HECW1: variants seen among roughly 807,000 people sequenced by gnomAD.
HECW1 encodes the protein HECT, C2 and WW domain containing E3 ubiquitin protein ligase 1, also known as E3 ubiquitin-protein ligase HECW1.
In HECW1, 61 loss-of-function variants were observed where a neutral mutation model predicts 182.3. The observed-to-expected ratio is 0.33, with a 90% CI of 0.27 to 0.41. The LOEUF is 0.41. Ranked by LOEUF, HECW1 falls within the 10% of genes least tolerant of loss-of-function variation. HECW1 has a pLI of 1.00. For missense variants in HECW1, 1,739 were observed against 2,108.9 expected (o/e 0.82, Z 3.44); for synonymous variants, 859 against 832.6 (o/e 1.03, Z -0.55).
At chr7:43,147,817 T>C (rs939167152) in intron 2 of HECW1, among the ~76,000 whole-genome samples, 1 of 152,200 alleles carries the variant, frequency 6.6e-6, no homozygotes, top group African/African-American at 2.4e-5. Flanking sequence ...TTTGGGTTAA[T>C]TGCACCGTCT....
chr7:43,191,841 G>A (rs1562654150), intron 2 of HECW1, among the ~76,000 whole-genome samples: 1 of 152,196 alleles, frequency 6.6e-6, no homozygotes, highest in Non-Finnish European at 1.5e-5. Context: ...AGTAGAATAG[G>A]AGGACTGATG....
Position 43,541,817 on chromosome 7 carries a change from G to A in HECW1, c.4119-52G>A, listed in dbSNP as rs1050380851. 11 of 1,391,634 alleles carry A rather than the reference G, an allele frequency of 7.9e-6. 1 individual carries two copies. In the South Asian group the frequency reaches 1.9e-4, roughly 24 times the overall value. 86.2% of individuals were successfully genotyped at this position (1,391,634 alleles called of 1,614,324 possible). ...TGATATAACCACATTTTGAAGTGAG[G>A]TCTGGGCAGCCATTTGTTTGGTAAT... is the stretch of plus-strand genomic sequence containing the variant. On this transcript the variant is annotated intron_variant, in intron 25 of 29. Coordinates refer to ENST00000395891, the MANE Select transcript of HECW1 (RefSeq NM_015052.5).
At position 43,455,920 on chromosome 7, in the gene HECW1, G is replaced by A. The variant is rs145849190; in HGVS notation, c.2501-377G>A. ...GAAGGCTGAGTCAGGAGAATTGCTC[G>A]AACCCAGGAGGTGGAGGTTGCAGTG... On this transcript the variant is annotated intron_variant, in intron 12 of 29. Coordinates refer to ENST00000395891, the MANE Select transcript of HECW1 (RefSeq NM_015052.5). 9.9e-3 allele frequency among the ~76,000 whole-genome samples: 1,513 copies of A among 152,136 alleles called. 16 individuals are homozygous for A. The highest frequency in any genetic ancestry group is 0.015 in the Non-Finnish European group (993 of 67,988).
chr7:43,146,249 TG>T (rs1272056700), intron 2 of HECW1, among the ~76,000 whole-genome samples: 1 of 152,206 alleles, frequency 6.6e-6, no homozygotes, highest in Non-Finnish European at 1.5e-5. Flanking sequence ...AATTCTTTTT[TG>T]TTGGAGGCTG....
chr7:43,499,595 C>G (rs766499964), intron 19 of HECW1, among the ~76,000 whole-genome samples: 54 of 151,870 alleles, frequency 3.6e-4, no homozygotes, highest in Non-Finnish European at 6.2e-4. Context: ...TTACACATGA[C>G]TCTAAAATTA....
At chr7:43,122,959 C>A (rs139543015) in intron 2 of HECW1, among the ~76,000 whole-genome samples, 87 of 152,218 alleles carry the variant, frequency 5.7e-4, no homozygotes, top group African/African-American at 2.0e-3. Flanking sequence ...AAAAGCATTT[C>A]GGTTCTTTTG....
At chr7:43,139,836 A>G (rs1235168126) in intron 2 of HECW1, among the ~76,000 whole-genome samples, 1 of 152,036 alleles carries the variant, frequency 6.6e-6, no homozygotes, top group Non-Finnish European at 1.5e-5. Flanking sequence ...GGATCAGATT[A>G]TGTGGTTTTG....
chr7:43,325,575 C>CA (rs1384867346), intron 5 of HECW1, among the ~76,000 whole-genome samples: 1 of 152,130 alleles, frequency 6.6e-6, no homozygotes, highest in African/African-American at 2.4e-5. Flanking sequence ...CTGATTACAG[C>CA]AAAAAGAGAC....
chr7:43,441,140 T>C (rs894598735), intron 9 of HECW1, among the ~76,000 whole-genome samples: 4 of 152,234 alleles, frequency 2.6e-5, no homozygotes, highest in African/African-American at 7.2e-5. Context: ...GGCAATTTAC[T>C]CTGCTGAAGC....
intron 3 of HECW1, among the ~76,000 whole-genome samples, chr7:43,272,354 C>T (rs964170243): frequency 2.6e-5 from 4 of 152,126 alleles, no homozygotes; most frequent in African/African-American, 9.7e-5. Context: ...AACTAAAGAG[C>T]TTCTGCATGG....
At chr7:43,363,610 A>G (rs1816240763) in intron 6 of HECW1, among the ~76,000 whole-genome samples, 1 of 152,076 alleles carries the variant, frequency 6.6e-6, no homozygotes, top group South Asian at 2.1e-4. Context: ...CTGGGCTCCT[A>G]TTGTCATGGT....
rs189675767 is a variant in HECW1 at position 43,180,256 on chromosome 7, G to A, written c.-31-63619G>A. ...CACTGCACTGTGGCTCCTGGGACAAGCTGTGTAGGTAGAGTCCTCTAGCTC... is the reference window on the plus strand; with the variant it reads ...CACTGCACTGTGGCTCCTGGGACAAACTGTGTAGGTAGAGTCCTCTAGCTC... On this transcript the variant is annotated intron_variant, in intron 2 of 29. Transcript: ENST00000395891. Among the ~76,000 whole-genome samples, 431 of 103,406 alleles carry A rather than the reference G, an allele frequency of 4.2e-3. 1 individual carries two copies. The highest frequency in any genetic ancestry group is 0.018 in the African/African-American group (423 of 23,646). The allele number at this position is 103,406 out of a possible 152,430, so 67.8% of individuals were successfully genotyped here. A position where few individuals can be genotyped will look rare whatever the true frequency, so the allele number is the denominator to read the frequency against.
At chr7:43,278,907 T>C (rs998949403) in intron 3 of HECW1, among the ~76,000 whole-genome samples, 8 of 152,180 alleles carry the variant, frequency 5.3e-5, no homozygotes, top group African/African-American at 1.7e-4. Flanking sequence ...ACTGTCTTGT[T>C]TGTAGTCTCC....
intron 17 of HECW1, among the ~76,000 whole-genome samples, chr7:43,488,846 G>T (rs189499899): frequency 6.6e-6 from 1 of 152,204 alleles, no homozygotes. Flanking sequence ...GCAGCAAGCC[G>T]TATCTCCCCC....
intron 12 of HECW1, among the ~76,000 whole-genome samples, chr7:43,451,871 TTTC>T (rs1472762597): frequency 6.6e-6 from 1 of 152,220 alleles, no homozygotes; most frequent in Admixed American, 6.5e-5. Context: ...GGACCCAGTG[TTTC>T]TTTACATTCT....
chr7:43,334,942 C>T (rs753842582), intron 5 of HECW1, among the ~76,000 whole-genome samples: 5 of 152,128 alleles, frequency 3.3e-5, no homozygotes, highest in Non-Finnish European at 7.4e-5. Flanking sequence ...TTCATATTTA[C>T]CCTCGAAAAG....
chr7:43,166,569 A>G (rs1156905739), intron 2 of HECW1, among the ~76,000 whole-genome samples: 1 of 152,218 alleles, frequency 6.6e-6, no homozygotes, highest in Non-Finnish European at 1.5e-5. Flanking sequence ...GGTTAGTCAC[A>G]TTACAAGTAA....
At chr7:43,122,854 A>G (rs1296781680) in intron 2 of HECW1, among the ~76,000 whole-genome samples, 1 of 152,252 alleles carries the variant, frequency 6.6e-6, no homozygotes, top group African/African-American at 2.4e-5. Context: ...CATAACATAT[A>G]TAAACACATG....
chr7:43,400,645 C>G (rs1373849695), intron 7 of HECW1, among the ~76,000 whole-genome samples: 1 of 152,086 alleles, frequency 6.6e-6, no homozygotes, highest in Non-Finnish European at 1.5e-5. Context: ...AATAAGAGAT[C>G]AAAGATGAGA....
Sources: allele counts gnomAD v4.1 joint callset (sites outside exome capture counted in the v4.1 genomes callset), GRCh38; gene constraint gnomAD v4.1.1; transcripts MANE v1.5; gene names NCBI Gene and HGNC (gene_info 2026-07-23, HGNC 2026-07-21).